Variants in SLC26A4 observed in about 807,000 individuals in gnomAD.
The protein encoded by SLC26A4 is solute carrier family 26 member 4.
In SLC26A4, 93 loss-of-function variants were observed where a neutral mutation model predicts 90.4. The ratio of observed to expected loss-of-function variants is 1.03; its 90% CI spans 0.87 to 1.22. The LOEUF is 1.22. Ranked by LOEUF, SLC26A4 falls within the 50% of genes most tolerant of loss-of-function variation. SLC26A4 has a pLI of 0.00. For synonymous variants in SLC26A4, 393 were observed against 354.6 expected, an observed-to-expected ratio of 1.11 and a Z score of -1.22; for missense variants, 1,127 against 946.2, an observed-to-expected ratio of 1.19 and a Z score of -2.51.
rs1317506037 is a variant in SLC26A4 at position 107,701,084 on chromosome 7, G to A, written c.1708-17G>A. ...AGGTGCCAGGCATTTTAAGTAACTT[G>A]ACATTTATTTCCAAAGGTTGGATTT... On this transcript the variant is annotated splice_polypyrimidine_tract_variant and intron_variant, in intron 15 of 20. Transcript: ENST00000644269. 2 of 1,497,898 alleles carry A rather than the reference G, an allele frequency of 1.3e-6. No individual in the cohort carries two copies. Among genetic ancestry groups the A allele is most frequent in the Non-Finnish European group, 1.9e-6 (2 of 1,074,348 alleles). The allele number at this position is 1,497,898 out of a possible 1,614,324, so 92.8% of individuals were successfully genotyped here.
intron 6 of SLC26A4, among the ~76,000 whole-genome samples, chr7:107,676,660 G>A (rs954629533): frequency 1.3e-5 from 2 of 152,172 alleles, no homozygotes; most frequent in Non-Finnish European, 2.9e-5. Flanking sequence ...TGGAGTTTGA[G>A]TCTTTAAAGA....
intron 18 of SLC26A4, among the ~76,000 whole-genome samples, chr7:107,707,437 C>G (rs1229895359): frequency 1.3e-5 from 2 of 152,128 alleles, no homozygotes; most frequent in African/African-American, 4.8e-5. Context: ...GAAGTCACAG[C>G]ACTTTAGAAT....
Position 107,690,176 on chromosome 7 carries a change from T to C in SLC26A4, c.1202T>C (p.Phe401Ser), listed in dbSNP as rs375507714. 1.2e-6 allele frequency: 2 copies of C among 1,613,646 alleles called. No individual in the cohort carries two copies. Among genetic ancestry groups the C allele is most frequent in the African/African-American group, 2.7e-5 (2 of 74,898 alleles). Residue 401 changes from phenylalanine (F) to serine (S), a missense_variant, in exon 10 of 21, where the codon TTT becomes TCT. Transcript: ENST00000644269. ...ATCTTCTCAGGATTCTTCTCTTGTT[T>C]TGTGGCCACCACTGCTCTTTCCCGC... ...SNIFSGFFSC[F>S]VATTALSRTA...
intron 8 of SLC26A4, among the ~76,000 whole-genome samples, chr7:107,685,123 G>A (rs1203540718): frequency 6.6e-6 from 1 of 152,124 alleles, no homozygotes; most frequent in Non-Finnish European, 1.5e-5. Flanking sequence ...GGGACTTTAA[G>A]CTACTCCATG....
rs113516368 is a variant in SLC26A4, at chr7:107,715,685, C to T, written c.*239C>T. On this transcript the variant is annotated 3_prime_UTR_variant, in exon 21 of 21. Transcript: ENST00000644269. ...TCCAGGGTAAGCTGGTGTTATAATA[C>T]GCTGCTGATCTACATCACAGATTTG... 1,790 of 564,830 alleles carry T rather than the reference C, an allele frequency of 3.2e-3. 8 individuals carry two copies. Among genetic ancestry groups the T allele is most frequent in the Non-Finnish European group, 4.5e-3 (1,432 of 316,326 alleles). The allele number at this position is 564,830 out of a possible 1,614,324, so 35.0% of individuals were successfully genotyped here.
At chr7:107,665,187 G>T (rs151274849) in intron 3 of SLC26A4, among the ~76,000 whole-genome samples, 15 of 152,256 alleles carry the variant, frequency 9.9e-5, no homozygotes, top group African/African-American at 3.4e-4. Flanking sequence ...GTGGGGTGGG[G>T]ATGGCTTGAA....
In SLC26A4 at chr7:107,674,111, T is replaced by A. The variant is rs1309046323; in HGVS notation, c.416-53T>A. The A allele has an allele frequency of 2.6e-6, 4 of 1,515,082 alleles. No individual in the cohort carries two copies. The African/African-American group carries it at 5.5e-5, about 21-fold the overall frequency. The allele number at this position is 1,515,082 out of a possible 1,614,324, so 93.9% of individuals were successfully genotyped here. Reference sequence around the variant, plus strand: ...ATTTTTTAAACCCTATGCAGACACATTGAACATTTGTGATTAATAACTGAT... The same window carrying A: ...ATTTTTTAAACCCTATGCAGACACAATGAACATTTGTGATTAATAACTGAT... On this transcript the variant is annotated intron_variant, in intron 4 of 20. Transcript: ENST00000644269.
rs79430469 is a variant in SLC26A4 at position 107,703,490 on chromosome 7, G to T, written c.2035-841G>T. Among the ~76,000 whole-genome samples the T allele has an allele frequency of 5.7e-4, 87 of 152,286 alleles. No individual in the cohort carries two copies. In the South Asian group the frequency reaches 0.018, roughly 31 times the overall value. On this transcript the variant is annotated intron_variant, in intron 17 of 20. Transcript: ENST00000644269. The stretch of plus-strand genomic sequence containing the variant: ...TGTTCTAGTTCTCTTAGCAGATTTT[G>T]TTATTAGCTCATTTGAAATCACTCT...
At chr7:107,665,771 T>C (rs1262852333) in intron 3 of SLC26A4, among the ~76,000 whole-genome samples, 1 of 152,254 alleles carries the variant, frequency 6.6e-6, no homozygotes, top group Non-Finnish European at 1.5e-5. Flanking sequence ...AGGTCTATTA[T>C]TATTTCATTT....
chr7:107,678,931 T>G (rs1287455045), intron 6 of SLC26A4, among the ~76,000 whole-genome samples: 1 of 152,116 alleles, frequency 6.6e-6, no homozygotes, highest in Non-Finnish European at 1.5e-5. Flanking sequence ...TTACCTGGAG[T>G]GTTAACTTAT....
In SLC26A4 at chr7:107,663,319, G is replaced by T; in HGVS notation, c.188G>T (p.Gly63Val). The change falls in exon 3 of 21, where the codon GGT becomes GTT. Residue 63 changes from glycine (G) to valine (V), a missense_variant. Gly to Val is a moderately radical substitution (Grantham distance 109). Transcript: ENST00000644269. ...AGTTGTTCAAGAAAGAGAGCCTTTG[G>T]TGTGCTAAAGACTCTTGTGCCCATC... The part of the protein sequence containing the change: ...CCSCSRKRAF[G>V]VLKTLVPILE... The T allele has an allele frequency of 6.2e-7, 1 of 1,614,196 alleles. No homozygotes were observed. Among genetic ancestry groups the T allele is most frequent in the Non-Finnish European group, 8.5e-7 (1 of 1,180,038 alleles).
intron 3 of SLC26A4, among the ~76,000 whole-genome samples, chr7:107,670,307 C>T (rs2129310777): frequency 6.6e-6 from 1 of 152,030 alleles, no homozygotes; most frequent in Admixed American, 6.5e-5. Context: ...CGGGGTTTCA[C>T]CATCTTGGCC....
At chr7:107,673,396 T>C (rs964042312) in intron 4 of SLC26A4, among the ~76,000 whole-genome samples, 3 of 152,202 alleles carry the variant, frequency 2.0e-5, no homozygotes, top group Non-Finnish European at 2.9e-5. Flanking sequence ...GTTTTTTTAA[T>C]CCTAACTTCG....
rs1791314590 is a variant in SLC26A4, at chr7:107,683,546, G to A, written c.1001+9G>A. ...AAATCCATCCCAAGGGGGTGAGTGTGGTGTTCCTCTTAGTACTAATACATT... is the reference window on the plus strand; with the variant it reads ...AAATCCATCCCAAGGGGGTGAGTGTAGTGTTCCTCTTAGTACTAATACATT... On this transcript the variant is annotated intron_variant, in intron 8 of 20. Coordinates refer to ENST00000644269, the MANE Select transcript of SLC26A4 (RefSeq NM_000441.2). 2 of 1,610,528 alleles carry A rather than the reference G, an allele frequency of 1.2e-6. No homozygotes were observed. Among genetic ancestry groups the A allele is most frequent in the Non-Finnish European group, 1.7e-6 (2 of 1,176,962 alleles).
rs532137097 is a variant in SLC26A4 at position 107,664,943 on chromosome 7, A to T, written c.304+1508A>T. Among the ~76,000 whole-genome samples the T allele has an allele frequency of 7.2e-5, 11 of 152,342 alleles. No individual in the cohort carries two copies. In the South Asian group the frequency reaches 2.3e-3, roughly 32 times the overall value. ...TGTTCCAGGCACTAGGTATGCTGAC[A>T]CGAATAAGATGCATCCTCTGCTTCC... is the stretch of plus-strand genomic sequence containing the variant. On this transcript the variant is annotated intron_variant, in intron 3 of 20. Transcript: ENST00000644269.
At chr7:107,705,278 A>C (rs999321877) in intron 18 of SLC26A4, among the ~76,000 whole-genome samples, 10 of 152,196 alleles carry the variant, frequency 6.6e-5, no homozygotes, top group African/African-American at 1.9e-4. Flanking sequence ...TGTGTAGCTT[A>C]TGGTGCCCTC....
intron 19 of SLC26A4, among the ~76,000 whole-genome samples, chr7:107,711,192 A>C (rs1204872776): frequency 6.6e-6 from 1 of 152,122 alleles, no homozygotes; most frequent in East Asian, 1.9e-4. Context: ...TAAAGAAAAA[A>C]AAACTGTTTA....
rs7811324 is a variant in SLC26A4 at position 107,661,656 on chromosome 7, C to A, written c.15C>A (p.Gly5=). The change falls in exon 2 of 21, where the codon GGC becomes GGA. Residue 5 remains glycine, a synonymous_variant. Coordinates refer to ENST00000644269, the MANE Select transcript of SLC26A4 (RefSeq NM_000441.2). This position sits in a 1 kb window ranked among gnomAD's most constrained non-coding sequence, Gnocchi z 5.1. ...GCTCGCAGGTCATGGCAGCGCCAGG[C>A]GGCAGGTCGGAGCCGCCGCAGCTCC... The part of the protein sequence containing the change: MAAP[G]GRSEPPQLPE... 1.2e-3 allele frequency: 1,913 copies of A among 1,567,138 alleles called. 15 individuals carry two copies. In the African/African-American group the frequency reaches 0.022, roughly 18 times the overall value.
At chr7:107,679,311 A>T (rs1236654854) in intron 6 of SLC26A4, among the ~76,000 whole-genome samples, 1 of 152,204 alleles carries the variant, frequency 6.6e-6, no homozygotes, top group Admixed American at 6.6e-5. Context: ...TACCTATTTC[A>T]GTATGTAAAA....
Sources: allele counts gnomAD v4.1 joint callset (sites outside exome capture counted in the v4.1 genomes callset), GRCh38; gene constraint gnomAD v4.1.1; non-coding constraint Gnocchi (gnomAD v3.1); transcripts MANE v1.5; gene names NCBI Gene and HGNC (gene_info 2026-07-23, HGNC 2026-07-21).